The following UBN2 variants were observed in gnomAD, a reference collection of about 807,000 sequenced individuals.
UBN2 encodes ubinuclein 2.
A neutral mutation model predicts 120.2 loss-of-function variants in UBN2; 35 were observed. The ratio of observed to expected loss-of-function variants is 0.29; its 90% CI spans 0.22 to 0.39. The LOEUF (loss-of-function observed/expected upper bound fraction) is 0.39. Ranked by LOEUF, UBN2 falls within the 10% of genes least tolerant of loss-of-function variation. UBN2 has a pLI of 1.00. For synonymous variants in UBN2, 661 were observed against 648.7 expected, an observed-to-expected ratio of 1.02 and a Z score of -0.29; for missense variants, 1,693 against 1,663.2, an observed-to-expected ratio of 1.02 and a Z score of -0.31.
downstream of UBN2, among the ~76,000 whole-genome samples, chr7:139,312,344 C>T (rs970223106): frequency 1.3e-5 from 2 of 152,228 alleles, no homozygotes; most frequent in Non-Finnish European, 2.9e-5. Flanking sequence ...GATACATCCA[C>T]GTTGCTATGC....
rs747972849 is a variant in UBN2, at chr7:139,279,283, T to C, written c.2025-35T>C. On this transcript the variant is annotated intron_variant, in intron 12 of 17. Transcript: ENST00000473989. ...ACTTTCTAATGAGCAATATAACTGCTACTGAAATAGCCTTTTAAAATCTTT... is the reference window on the plus strand; with the variant it reads ...ACTTTCTAATGAGCAATATAACTGCCACTGAAATAGCCTTTTAAAATCTTT... 9 of 1,551,192 alleles carry C rather than the reference T, an allele frequency of 5.8e-6. No individual in the cohort carries two copies. In the East Asian group the frequency reaches 9.0e-5, roughly 16 times the overall value.
chr7:139,231,479 G>A lies in UBN2; in HGVS notation c.-6G>A. 1 of 1,364,724 alleles carries A rather than the reference G, an allele frequency of 7.3e-7. No individual in the cohort carries two copies. Among genetic ancestry groups the A allele is most frequent in the Non-Finnish European group, 9.5e-7 (1 of 1,051,772 alleles). The allele number at this position is 1,364,724 out of a possible 1,614,324, so 84.5% of individuals were successfully genotyped here. A position where few individuals can be genotyped will look rare whatever the true frequency, so the allele number is the denominator to read the frequency against. On this transcript the variant is annotated 5_prime_UTR_variant, in exon 1 of 18. In the 5' UTR this introduces an upstream ATG that the reference lacks. Transcript: ENST00000473989. The stretch of plus-strand genomic sequence containing the variant: ...CGAGCAAAAGCGGAGGGCCAGAACA[G>A]TGGGGATGGCGGAGCCGCGCAGAGT...
At position 139,308,217 on chromosome 7, in the gene UBN2, A is replaced by G. The variant is rs1798399302; in HGVS notation, c.*10381A>G. The stretch of plus-strand genomic sequence containing the variant: ...TTACGTGTTTGTTGTTGTATTAAAT[A>G]AAGAGGAATGTACATACTATCCTCG... On this transcript the variant is annotated 3_prime_UTR_variant, in exon 18 of 18. Coordinates refer to ENST00000473989, the MANE Select transcript of UBN2 (RefSeq NM_173569.4). 6.6e-6 allele frequency: 1 copy of G among 152,080 alleles called. No homozygotes were observed. The highest frequency in any genetic ancestry group is 1.5e-5 in the Non-Finnish European group (1 of 68,010). 9.4% of individuals were successfully genotyped at this position (152,080 alleles called of 1,614,324 possible). A position where few individuals can be genotyped will look rare whatever the true frequency, so the allele number is the denominator to read the frequency against.
At chr7:139,297,699 A>G (rs1563231086) in intron 17 of UBN2, 88 bp from the exon 18 acceptor site, 7 of 1,219,272 alleles carry the variant, frequency 5.7e-6, no homozygotes, top group Admixed American at 1.8e-5. Flanking sequence ...CACAAAAGAT[A>G]AAAGTTAATT....
rs1476893589 is a variant in UBN2 at position 139,231,520 on chromosome 7, G to C, written c.36G>C (p.Leu12Phe). 3 of 1,418,374 alleles carry C rather than the reference G, an allele frequency of 2.1e-6. No individual in the cohort carries two copies. The highest frequency in any genetic ancestry group is 1.5e-5 in the African/African-American group (1 of 67,354). 87.9% of individuals were successfully genotyped at this position (1,418,374 alleles called of 1,614,324 possible). A position where few individuals can be genotyped will look rare whatever the true frequency, so the allele number is the denominator to read the frequency against. Residue 12 changes from leucine to phenylalanine, a missense_variant, in exon 1 of 18, where the codon TTG becomes TTC. Leu to Phe is a conservative substitution (Grantham distance 22, BLOSUM62 0). Around this residue, in one of 5 missense-constraint regions of UBN2, gnomAD observed 663 missense variants for 591.2 expected, o/e 1.12. Transcript: ENST00000473989. ...AEPRRVAFISLSPVRRREAEY... is the reference protein window; with the variant it reads ...AEPRRVAFISFSPVRRREAEY... Reference sequence around the variant, plus strand: ...CGCGCAGAGTAGCGTTCATTAGCTTGTCACCGGTGCGGCGGCGCGAGGCCG... The same window carrying C: ...CGCGCAGAGTAGCGTTCATTAGCTTCTCACCGGTGCGGCGGCGCGAGGCCG...
chr7:139,295,111 T>G (rs1271237985), intron 17 of UBN2, among the ~76,000 whole-genome samples: 1 of 151,206 alleles, frequency 6.6e-6, no homozygotes, highest in African/African-American at 2.4e-5. Flanking sequence ...TTTTGGCCAC[T>G]GCATTAAAAA....
At chr7:139,263,427 T>G (rs1020636686) in intron 6 of UBN2, among the ~76,000 whole-genome samples, 2 of 152,112 alleles carry the variant, frequency 1.3e-5, no homozygotes, top group African/African-American at 4.8e-5. Flanking sequence ...GATTGAGACT[T>G]ATCAGTTGGT....
intron 13 of UBN2, among the ~76,000 whole-genome samples, chr7:139,279,942 G>A (rs1438571000): frequency 6.6e-6 from 1 of 152,162 alleles, no homozygotes; most frequent in Non-Finnish European, 1.5e-5. Flanking sequence ...TCTTGGACTG[G>A]GTTCTGGTTT....
the UBN2 span, among the ~76,000 whole-genome samples, chr7:139,319,971 G>A: frequency 6.6e-6 from 1 of 151,772 alleles, no homozygotes; most frequent in South Asian, 2.1e-4. Flanking sequence ...AGCTACTCCG[G>A]AGGCCAAGGC....
intron 9 of UBN2, 135 bp downstream of exon 9, chr7:139,272,575 G>A (rs1271363200): frequency 3.1e-6 from 2 of 649,896 alleles, no homozygotes; most frequent in Non-Finnish European, 2.5e-6. Flanking sequence ...TGCCCAGGCT[G>A]GAGTGGAATG....
chr7:139,244,500 C>T (rs572230085), intron 2 of UBN2, among the ~76,000 whole-genome samples: 5 of 151,888 alleles, frequency 3.3e-5, no homozygotes, highest in Admixed American at 2.0e-4. Flanking sequence ...AGCAAGACCC[C>T]ATCTCTTAAA....
rs372660090 is a variant in UBN2 at position 139,300,337 on chromosome 7, G to T, written c.*2501G>T. On this transcript the variant is annotated 3_prime_UTR_variant, in exon 18 of 18. Transcript: ENST00000473989. The stretch of plus-strand genomic sequence containing the variant: ...ATGTTGTATGAATCAGTCAAACATC[G>T]TTGTATTTCTGTATAGATAAAGTAT... 1 of 151,664 alleles carries T rather than the reference G, an allele frequency of 6.6e-6. No individual in the cohort carries two copies. The highest frequency in any genetic ancestry group is 6.6e-5 in the Admixed American group (1 of 15,242). The allele number at this position is 151,664 out of a possible 1,614,324, so 9.4% of individuals were successfully genotyped here.
chr7:139,251,406 G>C (rs923326112), intron 2 of UBN2, among the ~76,000 whole-genome samples: 1 of 152,136 alleles, frequency 6.6e-6, no homozygotes, highest in Admixed American at 6.6e-5. Context: ...TTTTCTCCTA[G>C]TGTCTTTTTT....
In UBN2 at chr7:139,300,327, G is replaced by C. The variant is rs1798224131; in HGVS notation, c.*2491G>C. The C allele has an allele frequency of 6.6e-6, 1 of 151,894 alleles. No homozygotes were observed. The highest frequency in any genetic ancestry group is 2.4e-5 in the African/African-American group (1 of 41,296). The allele number at this position is 151,894 out of a possible 1,614,324, so 9.4% of individuals were successfully genotyped here. A position where few individuals can be genotyped will look rare whatever the true frequency, so the allele number is the denominator to read the frequency against. On this transcript the variant is annotated 3_prime_UTR_variant, in exon 18 of 18. Transcript: ENST00000473989. ...CCCCCCTTTTATGTTGTATGAATCAGTCAAACATCGTTGTATTTCTGTATA... is the reference window on the plus strand; with the variant it reads ...CCCCCCTTTTATGTTGTATGAATCACTCAAACATCGTTGTATTTCTGTATA...
chr7:139,235,637 C>T (rs1477636066), intron 1 of UBN2, among the ~76,000 whole-genome samples: 1 of 152,138 alleles, frequency 6.6e-6, no homozygotes, highest in African/African-American at 2.4e-5. Flanking sequence ...GAACTCTTGA[C>T]CTCAGGTGAT....
chr7:139,255,379 A>G (rs1397832980), intron 3 of UBN2, among the ~76,000 whole-genome samples: 1 of 152,158 alleles, frequency 6.6e-6, no homozygotes, highest in African/African-American at 2.4e-5. Context: ...TAGACTATAC[A>G]GTTTTTATTG....
intron 11 of UBN2, among the ~76,000 whole-genome samples, chr7:139,275,733 A>G (rs1377218822): frequency 1.3e-5 from 2 of 152,150 alleles, no homozygotes; most frequent in South Asian, 2.1e-4. Flanking sequence ...TAGGAGGCCA[A>G]GGGCCACAGT....
intron 2 of UBN2, among the ~76,000 whole-genome samples, chr7:139,240,963 G>GT (rs1796304478): frequency 6.6e-6 from 1 of 152,162 alleles, no homozygotes; most frequent in African/African-American, 2.4e-5. Flanking sequence ...CGTCTTGATG[G>GT]TTAGAAAGGA....
intron 11 of UBN2, among the ~76,000 whole-genome samples, chr7:139,274,434 G>A (rs1247222469): frequency 1.3e-5 from 2 of 152,128 alleles, no homozygotes; most frequent in Non-Finnish European, 2.9e-5. Context: ...TTAGAGCATA[G>A]GAAAAGAGAC....
Sources: allele counts gnomAD v4.1 joint callset (sites outside exome capture counted in the v4.1 genomes callset), GRCh38; gene constraint gnomAD v4.1.1; regional missense constraint gnomAD v4.1.1; transcripts MANE v1.5; gene names NCBI Gene and HGNC (gene_info 2026-07-23, HGNC 2026-07-21).